Variants in MIGA1 observed in about 807,000 individuals in gnomAD.
The protein encoded by MIGA1 is mitoguardin 1.
MIGA1 carries 58 observed loss-of-function variants against 82.0 expected under a neutral mutation model. The observed-to-expected ratio is 0.71, with a 90% CI of 0.57 to 0.88. MIGA1 has a LOEUF of 0.88. Among genes scored for constraint, MIGA1 ranks in the 40% least tolerant of loss-of-function variants. The pLI is 0.00. For missense variants in MIGA1, 751 were observed against 749.1 expected, an observed-to-expected ratio of 1.00 and a Z score of -0.03; for synonymous variants, 249 against 253.6, an observed-to-expected ratio of 0.98 and a Z score of 0.17.
At chr1:77,780,150 T>A in intron 1 of MIGA1, 4 of 990,338 alleles carry the variant, frequency 4.0e-6, no homozygotes, top group Non-Finnish European at 4.8e-6. Flanking sequence ...AGAGGAGAGC[T>A]CCGCGAGGGG....
intron 2 of MIGA1, among the ~76,000 whole-genome samples, chr1:77,788,252 C>T (rs1682259441): frequency 6.6e-6 from 1 of 152,194 alleles, no homozygotes; most frequent in Non-Finnish European, 1.5e-5. Flanking sequence ...ATCCGCCTGC[C>T]TTGGCCTCCC....
chr1:77,869,823 C>A (rs1402707919), intron 14 of MIGA1, among the ~76,000 whole-genome samples: 21 of 96,774 alleles, frequency 2.2e-4, no homozygotes, highest in East Asian at 3.8e-4. Flanking sequence ...CGGGCAGAGG[C>A]GCCCCTCACC....
At chr1:77,841,737 C>CTTTCT (rs71075766) in intron 7 of MIGA1, among the ~76,000 whole-genome samples, 131,851 of 148,810 alleles carry the variant, frequency 0.89, 58,534 homozygotes, top group Middle Eastern at 0.91. Context: ...CTTCTGCTTT[C>CTTTCT]TTTCTTTTCT....
At chr1:77,858,581 C>G (rs1409308926) in intron 8 of MIGA1, among the ~76,000 whole-genome samples, 1 of 151,982 alleles carries the variant, frequency 6.6e-6, no homozygotes, top group African/African-American at 2.4e-5. Flanking sequence ...AGTTTATCTT[C>G]TTATATCAGT....
intron 4 of MIGA1, among the ~76,000 whole-genome samples, chr1:77,805,197 G>A (rs562372491): frequency 9.3e-5 from 14 of 151,254 alleles, no homozygotes; most frequent in East Asian, 2.0e-4. Flanking sequence ...GGGTTTCACC[G>A]TGTTAGCCAG....
At position 77,873,038 on chromosome 1, in the gene MIGA1, T is replaced by C. The variant is rs1463304362; in HGVS notation, c.1598T>C (p.Ile533Thr). Residue 533 changes from isoleucine to threonine, a missense_variant, in exon 15 of 16, where the codon ATT (isoleucine) becomes ACT (threonine). Transcript: ENST00000370791. ...GGATTTTTTGCCCATTTTTATGCCA[T>C]TTGTGAACACATCAGTCCTGTCCTA... is the stretch of plus-strand genomic sequence containing the variant. 6.2e-7 allele frequency: 1 copy of C among 1,613,944 alleles called. No individual in the cohort carries two copies. The highest frequency in any genetic ancestry group is 1.1e-5 in the South Asian group (1 of 91,088).
intron 5 of MIGA1, among the ~76,000 whole-genome samples, chr1:77,812,642 A>C (rs547283936): frequency 6.6e-6 from 1 of 152,172 alleles, no homozygotes; most frequent in Admixed American, 6.5e-5. Flanking sequence ...AATATTTAAC[A>C]TCTTAAAAAT....
rs1683532496 is a variant in MIGA1, at chr1:77,815,363, A to C, written c.895+132A>C. 1.0e-5 allele frequency: 6 copies of C among 587,320 alleles called. No homozygotes were observed. The South Asian group carries it at 3.2e-4, about 32-fold the overall frequency. 36.4% of individuals were successfully genotyped at this position (587,320 alleles called of 1,614,324 possible). On this transcript the variant is annotated intron_variant, in intron 7 of 15. Transcript: ENST00000370791. ...AAAAAATAAACTAGCCAAGAGAAAAAATTTTTATCATATTTCTTTTTTCTT... is the reference window on the plus strand; with the variant it reads ...AAAAAATAAACTAGCCAAGAGAAAACATTTTTATCATATTTCTTTTTTCTT...
At chr1:77,839,680 G>A (rs1487034825) in intron 7 of MIGA1, among the ~76,000 whole-genome samples, 1 of 151,794 alleles carries the variant, frequency 6.6e-6, no homozygotes, top group African/African-American at 2.4e-5. Context: ...GCTGCCTTTG[G>A]TTTTCCGTTT....
intron 6 of MIGA1, among the ~76,000 whole-genome samples, chr1:77,814,661 ATTAT>A (rs1683506082): frequency 6.6e-6 from 1 of 152,206 alleles, no homozygotes; most frequent in African/African-American, 2.4e-5. Flanking sequence ...GTCCTTATTG[ATTAT>A]TTAGTTAAGC....
chr1:77,782,071 A>G (rs542945947), intron 1 of MIGA1, among the ~76,000 whole-genome samples: 1 of 152,130 alleles, frequency 6.6e-6, no homozygotes, highest in South Asian at 2.1e-4. Context: ...GACTCAAGCA[A>G]TCCACCCATC....
chr1:77,798,106 C>G (rs1372119597), intron 2 of MIGA1, among the ~76,000 whole-genome samples: 1 of 152,138 alleles, frequency 6.6e-6, no homozygotes, highest in Non-Finnish European at 1.5e-5. Context: ...AGGAATTTCC[C>G]TTTTGTGTTA....
chr1:77,841,893 G>C (rs994053773), intron 7 of MIGA1, among the ~76,000 whole-genome samples: 1 of 150,454 alleles, frequency 6.6e-6, no homozygotes, highest in South Asian at 2.1e-4. Flanking sequence ...CAAACTCCTG[G>C]AGTCAAGCAG....
intron 2 of MIGA1, among the ~76,000 whole-genome samples, chr1:77,796,772 A>T (rs1014883813): frequency 5.3e-5 from 8 of 152,184 alleles, no homozygotes; most frequent in Non-Finnish European, 1.2e-4. Context: ...CCTGTGATTT[A>T]TCTTTGGATC....
At position 77,877,825 on chromosome 1, in the gene MIGA1, C is replaced by T. The variant is rs55760347; in HGVS notation, c.*2761C>T. ...TAGAAGGTGTTGCTTTTTGTTTTTT[C>T]TTTTTCTTTTTTACATTTCATCTTA... On this transcript the variant is annotated 3_prime_UTR_variant, in exon 16 of 16. Coordinates refer to ENST00000370791, the MANE Select transcript of MIGA1 (RefSeq NM_198549.4). 0.016 allele frequency: 2,495 copies of T among 152,396 alleles called. 20 individuals are homozygous for T. Among genetic ancestry groups the T allele is most frequent in the Non-Finnish European group, 0.027 (1,810 of 67,910 alleles). The allele number at this position is 152,396 out of a possible 1,614,324, so 9.4% of individuals were successfully genotyped here. A position where few individuals can be genotyped will look rare whatever the true frequency, so the allele number is the denominator to read the frequency against.
At position 77,858,898 on chromosome 1, in the gene MIGA1, C is replaced by T. The variant is rs569735741; in HGVS notation, c.997-40C>T. On this transcript the variant is annotated intron_variant, in intron 8 of 15. Coordinates refer to ENST00000370791, the MANE Select transcript of MIGA1 (RefSeq NM_198549.4). The stretch of plus-strand genomic sequence containing the variant: ...TTGCAATTACAGGCATGAGCCACTG[C>T]ACCTAGCCTGTATTCTGTTCTAACC... 4.8e-5 allele frequency: 56 copies of T among 1,173,002 alleles called. No homozygotes were observed. In the South Asian group the frequency reaches 6.1e-4, roughly 13 times the overall value. The allele number at this position is 1,173,002 out of a possible 1,614,324, so 72.7% of individuals were successfully genotyped here.
Position 77,867,298 on chromosome 1 carries a change from T to G in MIGA1, c.1563+907T>G, listed in dbSNP as rs554124172. ...GCCTCAGTTTCCTTATCTCTAAAAA[T>G]AGAATAGTAATAGTATCTACCTCAT... On this transcript the variant is annotated intron_variant, in intron 14 of 15. Coordinates refer to ENST00000370791, the MANE Select transcript of MIGA1 (RefSeq NM_198549.4). Among the ~76,000 whole-genome samples the G allele has an allele frequency of 5.3e-5, 8 of 152,264 alleles. No individual in the cohort carries two copies. In the South Asian group the frequency reaches 1.7e-3, roughly 32 times the overall value.
chr1:77,854,895 G>A (rs897250455), intron 8 of MIGA1, among the ~76,000 whole-genome samples: 3 of 152,094 alleles, frequency 2.0e-5, no homozygotes, highest in African/African-American at 4.8e-5. Context: ...AAGCTCTTTC[G>A]TTTAATTAGG....
chr1:77,875,213 G>A lies in MIGA1; in HGVS notation c.*149G>A. ...CTACTAAAAAATGAGCAACTGTACT[G>A]TATTTATACAGAAGTTCTGTCATTG... On this transcript the variant is annotated 3_prime_UTR_variant, in exon 16 of 16. Transcript: ENST00000370791. 1.6e-6 allele frequency: 1 copy of A among 636,166 alleles called. No individual in the cohort carries two copies. Among genetic ancestry groups the A allele is most frequent in the Non-Finnish European group, 2.7e-6 (1 of 367,816 alleles). 39.4% of individuals were successfully genotyped at this position (636,166 alleles called of 1,614,324 possible). A position where few individuals can be genotyped will look rare whatever the true frequency, so the allele number is the denominator to read the frequency against.
Sources: allele counts gnomAD v4.1 joint callset (sites outside exome capture counted in the v4.1 genomes callset), GRCh38; gene constraint gnomAD v4.1.1; transcripts MANE v1.5; gene names NCBI Gene and HGNC (gene_info 2026-07-23, HGNC 2026-07-21).